DRC1: variants seen among roughly 807,000 people sequenced by gnomAD.
DRC1 encodes the protein dynein regulatory complex subunit 1, also known as dynein regulatory complex protein 1.
DRC1 carries 74 observed loss-of-function variants against 98.7 expected under a neutral mutation model. The ratio of observed to expected loss-of-function variants is 0.75; its 90% CI spans 0.62 to 0.91. The LOEUF (loss-of-function observed/expected upper bound fraction) is 0.91, where lower values mean the gene tolerates loss of function less well. Among genes scored for constraint, DRC1 ranks in the 40% least tolerant of loss-of-function variants. The pLI is 0.00. For missense variants in DRC1, 875 were observed against 886.0 expected, an observed-to-expected ratio of 0.99 and a Z score of 0.16; for synonymous variants, 336 against 334.1, an observed-to-expected ratio of 1.01 and a Z score of -0.06.
rs754721769 is a variant in DRC1 at position 26,424,408 on chromosome 2, C to A, written c.494C>A (p.Ala165Asp). 6.2e-7 allele frequency: 1 copy of A among 1,613,786 alleles called. No homozygotes were observed. The highest frequency in any genetic ancestry group is 8.5e-7 in the Non-Finnish European group (1 of 1,179,980). ...EMLNTQQLHC[A>D]GLLEDKNKLI... ...CTCAATACCCAACAGCTGCACTGTG[C>A]TGGACTCTTAGAAGATAAGAATAAA... Residue 165 changes from alanine to aspartate, a missense_variant, in exon 4 of 17, where the codon GCT becomes GAT. Transcript: ENST00000288710.
chr2:26,438,966 G>C (rs1050573333), intron 7 of DRC1, among the ~76,000 whole-genome samples: 9 of 152,088 alleles, frequency 5.9e-5, no homozygotes, highest in Admixed American at 5.9e-4. Flanking sequence ...TTCACAAACT[G>C]TCAGGGTGAT....
chr2:26,454,249 G>C lies in DRC1; in HGVS notation c.1920-398G>C, dbSNP rs1157185345. ...AGGGGCGAAGCTGGATACAGGGAAA[G>C]CATCAGGAGGCTTGTCCAGGTGGGA... On this transcript the variant is annotated intron_variant, in intron 14 of 16. Coordinates refer to ENST00000288710, the MANE Select transcript of DRC1 (RefSeq NM_145038.5). The surrounding 1 kb of genome is among the most constrained non-coding windows in gnomAD (Gnocchi z 5.2). 2.0e-5 allele frequency among the ~76,000 whole-genome samples: 3 copies of C among 152,192 alleles called. No individual in the cohort carries two copies. The highest frequency in any genetic ancestry group is 7.2e-5 in the African/African-American group (3 of 41,452).
Position 26,438,606 on chromosome 2 carries a change from C to G in DRC1, c.889-1772C>G, listed in dbSNP as rs148476590. On this transcript the variant is annotated intron_variant, in intron 7 of 16. Transcript: ENST00000288710. ...TCTCTGCCATGGTGACGCAGAATAT[C>G]CTTGACTAATTCCCTCTGTGGCAAT... is the stretch of plus-strand genomic sequence containing the variant. 4.9e-3 allele frequency among the ~76,000 whole-genome samples: 741 copies of G among 152,234 alleles called. 8 individuals are homozygous for G. Among genetic ancestry groups the G allele is most frequent in the African/African-American group, 0.017 (704 of 41,534 alleles).
intron 7 of DRC1, among the ~76,000 whole-genome samples, chr2:26,435,128 T>C (rs1663537501): frequency 6.6e-6 from 1 of 152,120 alleles, no homozygotes; most frequent in African/African-American, 2.4e-5. Flanking sequence ...TGCTGGCACA[T>C]TGGTGGCAGT....
chr2:26,451,768 A>T (rs939173844), intron 13 of DRC1, among the ~76,000 whole-genome samples: 1 of 152,222 alleles, frequency 6.6e-6, no homozygotes, highest in African/African-American at 2.4e-5. Flanking sequence ...AGGGAATAAA[A>T]GCTATATTTG....
intron 10 of DRC1, among the ~76,000 whole-genome samples, chr2:26,447,566 TTG>T (rs1244779333): frequency 6.6e-6 from 1 of 152,050 alleles, no homozygotes; most frequent in Non-Finnish European, 1.5e-5. Flanking sequence ...TTTTGTTCGT[TTG>T]TTTTATTTTT....
intron 10 of DRC1, among the ~76,000 whole-genome samples, chr2:26,446,137 C>T (rs561857050): frequency 2.0e-4 from 30 of 147,332 alleles, no homozygotes; most frequent in Admixed American, 3.4e-4. Flanking sequence ...CACTCTGTCG[C>T]CCAGGCTGGA....
intron 10 of DRC1, among the ~76,000 whole-genome samples, chr2:26,448,077 T>A (rs1249814711): frequency 6.6e-6 from 1 of 151,060 alleles, no homozygotes; most frequent in African/African-American, 2.4e-5. Flanking sequence ...ACACAGAAAT[T>A]AGCCAGGTGT....
intron 4 of DRC1, among the ~76,000 whole-genome samples, chr2:26,427,554 A>C (rs186410061): frequency 6.6e-6 from 1 of 152,310 alleles, no homozygotes; most frequent in Admixed American, 6.5e-5. Flanking sequence ...TCAAGCATGT[A>C]TCATTTCTTT....
intron 1 of DRC1, among the ~76,000 whole-genome samples, chr2:26,411,676 C>T (rs994330845): frequency 6.6e-6 from 1 of 151,962 alleles, no homozygotes; most frequent in Admixed American, 6.6e-5. Context: ...GCGTGTTTGT[C>T]GTCCCAGCTA....
At position 26,402,220 on chromosome 2, in the gene DRC1, A is replaced by G. The variant is rs914214591; in HGVS notation, c.155+76A>G. On this transcript the variant is annotated intron_variant, in intron 1 of 16. Transcript: ENST00000288710. Reference sequence around the variant, plus strand: ...GGGCTGGTTTCCTGATGAAATAGAAACATTTCTTCGGGAAGGTTCAGGCAG... The same window carrying G: ...GGGCTGGTTTCCTGATGAAATAGAAGCATTTCTTCGGGAAGGTTCAGGCAG... 30 of 1,463,898 alleles carry G rather than the reference A, an allele frequency of 2.0e-5. No individual in the cohort carries two copies. The Admixed American group carries it at 7.8e-4, about 38-fold the overall frequency. The allele number at this position is 1,463,898 out of a possible 1,614,324, so 90.7% of individuals were successfully genotyped here. A position where few individuals can be genotyped will look rare whatever the true frequency, so the allele number is the denominator to read the frequency against.
At chr2:26,421,617 ATGACG>A (rs1254154759) in intron 3 of DRC1, among the ~76,000 whole-genome samples, 1 of 146,270 alleles carries the variant, frequency 6.8e-6, no homozygotes, top group Non-Finnish European at 1.5e-5. Context: ...CTGGAGTGCA[ATGACG>A]TGATCTCGGC....
Position 26,429,708 on chromosome 2 carries a change from G to A in DRC1, c.621G>A (p.Met207Ile). The A allele has an allele frequency of 6.2e-7, 1 of 1,614,168 alleles. No homozygotes were observed. Among genetic ancestry groups the A allele is most frequent in the African/African-American group, 1.3e-5 (1 of 75,042 alleles). Residue 207 changes from methionine (M) to isoleucine (I), a missense_variant, in exon 5 of 17, where the codon ATG becomes ATA. Met to Ile is a conservative substitution (Grantham distance 10, BLOSUM62 1). Coordinates refer to ENST00000288710, the MANE Select transcript of DRC1 (RefSeq NM_145038.5). ...SDDICLLLERMEEQVKNVMKT... is the reference protein window; with the variant it reads ...SDDICLLLERIEEQVKNVMKT... ...ACATCTGCCTGCTTCTGGAGCGGAT[G>A]GAAGAACAGGTGAAGAATGTGATGA...
At chr2:26,418,612 TTA>T (rs1262372993) in intron 2 of DRC1, among the ~76,000 whole-genome samples, 1 of 94,454 alleles carries the variant, frequency 1.1e-5, no homozygotes, top group Non-Finnish European at 1.9e-5. Context: ...AATATATAAA[TTA>T]TATATAATAT....
chr2:26,426,471 A>T (rs1663287970), intron 4 of DRC1, among the ~76,000 whole-genome samples: 1 of 151,558 alleles, frequency 6.6e-6, no homozygotes, highest in Admixed American at 6.6e-5. Context: ...GGTTAGAGCA[A>T]TTCTTCTGCC....
rs1463332900 is a variant in DRC1, at chr2:26,455,169, A to C, written c.2102A>C (p.Asn701Thr). Reference sequence around the variant, plus strand: ...CAGAGGGCCAAGCTGCTGCTGGAAAACAGTTCTCTGGAGCAGCAGAACACA... The same window carrying C: ...CAGAGGGCCAAGCTGCTGCTGGAAACCAGTTCTCTGGAGCAGCAGAACACA... Reference protein sequence around the residue: ...LTQRAKLLLENSSLEQQNTEL... With the variant: ...LTQRAKLLLETSSLEQQNTEL... The change falls in exon 16 of 17, where the codon AAC becomes ACC. Residue 701 changes from asparagine (N) to threonine (T), a missense_variant. By Grantham distance (65) the Asn-to-Thr change is moderately conservative. Transcript: ENST00000288710. 3.7e-6 allele frequency: 6 copies of C among 1,614,062 alleles called. No homozygotes were observed. In the South Asian group the frequency reaches 6.6e-5, roughly 18 times the overall value.
At chr2:26,418,620 A>AATTTATATTAT (rs1558438092) in intron 2 of DRC1, among the ~76,000 whole-genome samples, 1 of 89,398 alleles carries the variant, frequency 1.1e-5, no homozygotes, top group East Asian at 2.6e-4. Flanking sequence ...AATTATATAT[A>AATTTATATTAT]ATATAAATTA....
At chr2:26,418,688 T>A (rs10202104) in intron 2 of DRC1, among the ~76,000 whole-genome samples, 3,354 of 83,806 alleles carry the variant, frequency 0.04, 176 homozygotes, top group African/African-American at 0.13. Flanking sequence ...TAATTTATAT[T>A]ATATATAAAT....
At position 26,440,381 on chromosome 2, in the gene DRC1, C is replaced by A; in HGVS notation, c.892C>A (p.Leu298Ile). 3 of 1,599,518 alleles carry A rather than the reference C, an allele frequency of 1.9e-6. No homozygotes were observed. The highest frequency in any genetic ancestry group is 1.4e-5 in the African/African-American group (1 of 73,664). ...KIKLEQDVQI[L>I]EQQLQQRKAI... is the part of the protein sequence containing the mutation. ...TATATAGTTTTTTTAACTTTAGATT[C>A]TTGAGCAGCAGCTTCAGCAGAGGAA... Residue 298 changes from leucine to isoleucine, a missense_variant, in exon 8 of 17, where the codon CTT (leucine) becomes ATT (isoleucine). Leu to Ile is a conservative substitution (Grantham distance 5). Coordinates refer to ENST00000288710, the MANE Select transcript of DRC1 (RefSeq NM_145038.5).
Sources: allele counts gnomAD v4.1 joint callset (sites outside exome capture counted in the v4.1 genomes callset), GRCh38; gene constraint gnomAD v4.1.1; non-coding constraint Gnocchi (gnomAD v3.1); transcripts MANE v1.5; gene names NCBI Gene and HGNC (gene_info 2026-07-23, HGNC 2026-07-21).